Variants in CBLB observed in about 807,000 individuals in gnomAD.
CBLB encodes the protein E3 ubiquitin-protein ligase CBL-B.
A neutral mutation model predicts 104.9 loss-of-function variants in CBLB; 31 were observed. The ratio of observed to expected loss-of-function variants is 0.30; its 90% CI spans 0.22 to 0.40. The LOEUF (loss-of-function observed/expected upper bound fraction) is 0.40, where lower values mean the gene tolerates loss of function less well. CBLB is among the 10% of genes least tolerant of loss of function. CBLB has a pLI of 1.00. For synonymous variants in CBLB, 440 were observed against 422.6 expected, an observed-to-expected ratio of 1.04 and a Z score of -0.51; for missense variants, 1,062 against 1,214.6, an observed-to-expected ratio of 0.87 and a Z score of 1.87.
intron 18 of CBLB, among the ~76,000 whole-genome samples, chr3:105,661,844 A>G (rs1207708793): frequency 2.0e-5 from 3 of 152,322 alleles, no homozygotes; most frequent in Non-Finnish European, 4.4e-5. Context: ...CAGGTAGTAT[A>G]ACAATTAATG....
chr3:105,686,872 C>T (rs1012888988), intron 13 of CBLB, among the ~76,000 whole-genome samples: 1 of 152,110 alleles, frequency 6.6e-6, no homozygotes, highest in Non-Finnish European at 1.5e-5. Flanking sequence ...TCCAGTGTCA[C>T]TACCTACAGC....
intron 3 of CBLB, among the ~76,000 whole-genome samples, chr3:105,779,973 C>T (rs564227062): frequency 1.3e-5 from 2 of 151,802 alleles, no homozygotes; most frequent in Admixed American, 1.3e-4. Flanking sequence ...CCTGTCTCAG[C>T]CTCCCAAGTA....
intron 3 of CBLB, among the ~76,000 whole-genome samples, chr3:105,837,550 T>C (rs1464480087): frequency 1.3e-5 from 2 of 152,182 alleles, no homozygotes; most frequent in African/African-American, 4.8e-5. Flanking sequence ...GTAGGCAGAA[T>C]GATGTGAATT....
At chr3:105,677,849 TTAC>T (rs1389115328) in intron 17 of CBLB, among the ~76,000 whole-genome samples, 1 of 150,082 alleles carries the variant, frequency 6.7e-6, no homozygotes. Context: ...TATTAAATAG[TTAC>T]TAAGAAAAAA....
At chr3:105,730,088 T>G (rs1559991376) in intron 9 of CBLB, among the ~76,000 whole-genome samples, 2 of 152,042 alleles carry the variant, frequency 1.3e-5, no homozygotes, top group Non-Finnish European at 2.9e-5. Context: ...AAGAATAATT[T>G]TCTTTAGGGG....
intron 18 of CBLB, among the ~76,000 whole-genome samples, chr3:105,669,585 G>T (rs1029717473): frequency 6.6e-6 from 1 of 152,124 alleles, no homozygotes; most frequent in Non-Finnish European, 1.5e-5. Context: ...AGACGAGACA[G>T]ATAACCAACA....
At chr3:105,754,529 G>GAGAGAC (rs1553767698) in intron 4 of CBLB, among the ~76,000 whole-genome samples, 12,283 of 81,880 alleles carry the variant, frequency 0.15, 476 homozygotes, top group Non-Finnish European at 0.19. Flanking sequence ...GAGACAGAGA[G>GAGAGAC]AGAGAGAGAG....
chr3:105,812,350 G>A (rs936175505), intron 3 of CBLB, among the ~76,000 whole-genome samples: 1 of 152,122 alleles, frequency 6.6e-6, no homozygotes, highest in Admixed American at 6.5e-5. Flanking sequence ...AAACAGACCA[G>A]TCACATCCCA....
At chr3:105,661,286 T>C (rs560235112) in intron 18 of CBLB, among the ~76,000 whole-genome samples, 4 of 152,368 alleles carry the variant, frequency 2.6e-5, no homozygotes, top group Admixed American at 2.6e-4. Flanking sequence ...ACTATTATCG[T>C]CTGATAAACT....
intron 6 of CBLB, among the ~76,000 whole-genome samples, chr3:105,745,629 G>T (rs566293247): frequency 6.6e-6 from 1 of 152,224 alleles, no homozygotes; most frequent in Admixed American, 6.5e-5. Flanking sequence ...CTTTAGCACA[G>T]TATTCAAGTA....
intron 4 of CBLB, among the ~76,000 whole-genome samples, chr3:105,761,474 T>A (rs1011436534): frequency 6.6e-6 from 1 of 152,130 alleles, no homozygotes; most frequent in African/African-American, 2.4e-5. Flanking sequence ...TTTCCGACAT[T>A]CTATTCTTGT....
intron 10 of CBLB, among the ~76,000 whole-genome samples, chr3:105,716,667 C>T (rs949644299): frequency 6.6e-6 from 1 of 152,144 alleles, no homozygotes; most frequent in African/African-American, 2.4e-5. Flanking sequence ...AGACATTTAA[C>T]TGAAATATAC....
chr3:105,667,013 A>G (rs1176669357), intron 18 of CBLB, among the ~76,000 whole-genome samples: 1 of 152,244 alleles, frequency 6.6e-6, no homozygotes, highest in East Asian at 1.9e-4. Flanking sequence ...AACAGAGATA[A>G]ACTATTGAAT....
intron 3 of CBLB, among the ~76,000 whole-genome samples, chr3:105,837,231 AAT>A (rs1400146827): frequency 6.6e-6 from 1 of 152,222 alleles, no homozygotes; most frequent in Non-Finnish European, 1.5e-5. Flanking sequence ...AGTCCTGAAT[AAT>A]ATAACAACCA....
At chr3:105,831,280 A>G (rs998002393) in intron 3 of CBLB, among the ~76,000 whole-genome samples, 11 of 152,204 alleles carry the variant, frequency 7.2e-5, no homozygotes, top group African/African-American at 2.4e-4. Context: ...TTCCTTTAAA[A>G]TATCTTCCAT....
chr3:105,663,545 C>T (rs758785993), intron 18 of CBLB, among the ~76,000 whole-genome samples: 7 of 152,172 alleles, frequency 4.6e-5, no homozygotes, highest in Non-Finnish European at 7.3e-5. Context: ...AGTTTGTCAA[C>T]ATTCTGCTTT....
chr3:105,826,279 T>C (rs374572305), intron 3 of CBLB, among the ~76,000 whole-genome samples: 16 of 152,288 alleles, frequency 1.1e-4, no homozygotes, highest in African/African-American at 3.6e-4. Flanking sequence ...CTCTATTAAG[T>C]CATTCATAAA....
chr3:105,742,733 T>A (rs1237584095), intron 6 of CBLB, among the ~76,000 whole-genome samples: 1 of 152,204 alleles, frequency 6.6e-6, no homozygotes, highest in Non-Finnish European at 1.5e-5. Flanking sequence ...GTACTATGAA[T>A]CTCAGCAAAG....
chr3:105,669,803 C>T (rs1486709110), intron 18 of CBLB, among the ~76,000 whole-genome samples: 2 of 152,120 alleles, frequency 1.3e-5, no homozygotes, highest in African/African-American at 4.8e-5. Flanking sequence ...GTACATCCTT[C>T]TATTTGATGG....
Sources: allele counts gnomAD v4.1 joint callset (sites outside exome capture counted in the v4.1 genomes callset), GRCh38; gene constraint gnomAD v4.1.1; transcripts MANE v1.5; gene names NCBI Gene and HGNC (gene_info 2026-07-23, HGNC 2026-07-21).